RANBP2: variants seen among roughly 807,000 people sequenced by gnomAD.
The protein encoded by RANBP2 is RAN binding protein 2, also known as E3 SUMO-protein ligase RanBP2.
RANBP2 carries 57 observed loss-of-function variants against 303.6 expected under a neutral mutation model. The ratio of observed to expected loss-of-function variants is 0.19; its 90% CI spans 0.15 to 0.23. The LOEUF (loss-of-function observed/expected upper bound fraction) is 0.23, where lower values mean the gene tolerates loss of function less well. Among genes scored for constraint, RANBP2 ranks in the 10% least tolerant of loss-of-function variants. RANBP2 has a pLI of 1.00. For synonymous variants in RANBP2, 1,167 were observed against 1,301.5 expected (o/e 0.90, Z 2.23); for missense variants, 3,138 against 3,780.8 (o/e 0.83, Z 4.46).
the RANBP2 span, among the ~76,000 whole-genome samples, chr2:108,931,724 T>C: frequency 8.6e-3 from 1,305 of 151,990 alleles, 21 homozygotes; most frequent in African/African-American, 0.03. Flanking sequence ...GGTGGGTTTT[T>C]TTTTCTTTTT....
the RANBP2 span, among the ~76,000 whole-genome samples, chr2:109,390,377 C>G: frequency 6.6e-6 from 1 of 152,244 alleles, no homozygotes; most frequent in African/African-American, 2.4e-5. Context: ...TCAGGCCGTT[C>G]TGCTGCTCCT....
chr2:109,712,229 G>T, the RANBP2 span, among the ~76,000 whole-genome samples: 165 of 152,200 alleles, frequency 1.1e-3, no homozygotes, highest in Non-Finnish European at 1.7e-3. Context: ...GACAGGCCTG[G>T]AATGGAGAGA....
chr2:109,275,741 C>G, the RANBP2 span, among the ~76,000 whole-genome samples: 3 of 152,186 alleles, frequency 2.0e-5, no homozygotes, highest in Non-Finnish European at 2.9e-5. Context: ...CCTTCCTCTC[C>G]CGGACAGCCG....
chr2:109,644,075 C>G, the RANBP2 span, among the ~76,000 whole-genome samples: 4 of 151,516 alleles, frequency 2.6e-5, no homozygotes, highest in South Asian at 6.3e-4. Flanking sequence ...GAGCTGAGAT[C>G]GCACCACTGC....
the RANBP2 span, among the ~76,000 whole-genome samples, chr2:109,369,096 G>A: frequency 6.0e-4 from 91 of 152,134 alleles, no homozygotes; most frequent in Admixed American, 1.6e-3. Context: ...TATAATCCCA[G>A]CACTTTGGGA....
At chr2:109,488,590 C>T in the RANBP2 span, among the ~76,000 whole-genome samples, 11 of 152,320 alleles carry the variant, frequency 7.2e-5, no homozygotes, top group African/African-American at 1.7e-4. Flanking sequence ...GTTCTGCCCC[C>T]GACCCCTCAC....
Position 108,736,017 on chromosome 2 carries a change from G to A in RANBP2, c.637-87G>A, listed in dbSNP as rs980703057. Reference sequence around the variant, plus strand: ...ATATAGTTTCACAAATGTGGTTGGAGTGAGAAAAGGAATTTGTAGGCTTAA... The same window carrying A: ...ATATAGTTTCACAAATGTGGTTGGAATGAGAAAAGGAATTTGTAGGCTTAA... On this transcript the variant is annotated intron_variant, in intron 5 of 28. Transcript: ENST00000283195. 4.3e-6 allele frequency: 7 copies of A among 1,609,988 alleles called. No homozygotes were observed. The African/African-American group carries it at 6.7e-5, about 15-fold the overall frequency.
the RANBP2 span, among the ~76,000 whole-genome samples, chr2:109,323,142 T>C: frequency 2.0e-5 from 3 of 152,300 alleles, no homozygotes; most frequent in African/African-American, 7.2e-5. Flanking sequence ...GAGAGAGGCC[T>C]CGGCTTCCAG....
chr2:109,240,340 TAGTC>T, the RANBP2 span, among the ~76,000 whole-genome samples: 1 of 151,878 alleles, frequency 6.6e-6, no homozygotes, highest in Non-Finnish European at 1.5e-5. Context: ...ACAAAAAAAT[TAGTC>T]AGGTGTGGTG....
chr2:109,657,371 C>T, the RANBP2 span, among the ~76,000 whole-genome samples: 4 of 152,146 alleles, frequency 2.6e-5, no homozygotes, highest in East Asian at 7.7e-4. Context: ...TCACCTGAGC[C>T]CAGGAGGTTG....
At chr2:109,506,430 T>C in the RANBP2 span, among the ~76,000 whole-genome samples, 1 of 152,272 alleles carries the variant, frequency 6.6e-6, no homozygotes, top group African/African-American at 2.4e-5. Flanking sequence ...AGACATTTGA[T>C]CTTAGAGAGG....
chr2:109,129,724 G>A, the RANBP2 span: 1 of 1,538,238 alleles, frequency 6.5e-7, no homozygotes, highest in Non-Finnish European at 8.7e-7. Context: ...CGTGTGTCTG[G>A]AGCGCCTGGA....
chr2:109,175,115 G>A, the RANBP2 span, among the ~76,000 whole-genome samples: 1 of 152,210 alleles, frequency 6.6e-6, no homozygotes, highest in Non-Finnish European at 1.5e-5. Flanking sequence ...CCTACTAGTA[G>A]TCCTGGTCAT....
the RANBP2 span, among the ~76,000 whole-genome samples, chr2:109,457,966 G>C: frequency 6.6e-6 from 1 of 152,180 alleles, no homozygotes. Flanking sequence ...ATAACTGAGG[G>C]AAATGTCGAG....
chr2:108,799,223 C>T, the RANBP2 span, among the ~76,000 whole-genome samples: 5 of 151,992 alleles, frequency 3.3e-5, no homozygotes, highest in Admixed American at 1.3e-4. Context: ...TGCTTCGTAA[C>T]GATAATATGT....
At chr2:109,582,706 A>C in the RANBP2 span, among the ~76,000 whole-genome samples, 1 of 152,222 alleles carries the variant, frequency 6.6e-6, no homozygotes, top group South Asian at 2.1e-4. Context: ...AACAAAAAAG[A>C]GACTGAATAG....
At chr2:109,642,092 A>G in the RANBP2 span, among the ~76,000 whole-genome samples, 15 of 150,836 alleles carry the variant, frequency 9.9e-5, no homozygotes, top group Non-Finnish European at 2.1e-4. Context: ...GAGTGAACCA[A>G]TTTTTTTTGT....
the RANBP2 span, among the ~76,000 whole-genome samples, chr2:109,215,035 A>G: frequency 1.3e-5 from 2 of 152,198 alleles, no homozygotes; most frequent in Non-Finnish European, 2.9e-5. Context: ...CAGCTTTTGT[A>G]CTTCTAACCA....
chr2:109,599,626 T>C, the RANBP2 span, among the ~76,000 whole-genome samples: 1 of 152,242 alleles, frequency 6.6e-6, no homozygotes, highest in African/African-American at 2.4e-5. Context: ...ACCTCCATTA[T>C]ACCATCAAAC....
Sources: allele counts gnomAD v4.1 joint callset (sites outside exome capture counted in the v4.1 genomes callset), GRCh38; gene constraint gnomAD v4.1.1; transcripts MANE v1.5; gene names NCBI Gene and HGNC (gene_info 2026-07-23, HGNC 2026-07-21).